The following ZNF599 variants were observed in gnomAD, a reference collection of about 807,000 sequenced individuals.
ZNF599 encodes zinc finger protein 599.
In ZNF599, 10 loss-of-function variants were observed where a neutral mutation model predicts 11.7. The ratio of observed to expected loss-of-function variants is 0.86; its 90% CI spans 0.53 to 1.45. ZNF599 has a LOEUF of 1.45. Ranked by LOEUF, ZNF599 falls within the 40% of genes most tolerant of loss-of-function variation. The pLI, the probability that ZNF599 is intolerant of heterozygous loss-of-function variation, is 0.00. For missense variants in ZNF599, 688 were observed against 713.6 expected (o/e 0.96, Z 0.41); for synonymous variants, 232 against 253.2 (o/e 0.92, Z 0.79).
chr19:34,787,431 T>C, the ZNF599 span, among the ~76,000 whole-genome samples: 1 of 152,246 alleles, frequency 6.6e-6, no homozygotes, highest in Non-Finnish European at 1.5e-5. Context: ...TGAATAACAC[T>C]ATTTGGCTCC....
At chr19:34,791,499 T>G in the ZNF599 span, among the ~76,000 whole-genome samples, 1 of 152,320 alleles carries the variant, frequency 6.6e-6, no homozygotes, top group East Asian at 1.9e-4. Flanking sequence ...GTAAAGTGTT[T>G]CTGTGTTACA....
chr19:34,766,177 CAAG>C (rs1285683320), intron 3 of ZNF599, among the ~76,000 whole-genome samples: 1 of 152,076 alleles, frequency 6.6e-6, no homozygotes, highest in African/African-American at 2.4e-5. Context: ...ACTGAGCAGG[CAAG>C]AAGGACACTA....
At chr19:34,798,320 A>G in the ZNF599 span, among the ~76,000 whole-genome samples, 1 of 152,202 alleles carries the variant, frequency 6.6e-6, no homozygotes, top group African/African-American at 2.4e-5. Flanking sequence ...CTTCTCAGCG[A>G]CAGAGCAAAG....
In ZNF599 at chr19:34,758,732, T is replaced by C. The variant is rs2145446199; in HGVS notation, c.*302A>G. ...ATAGTATTAATAAGAGGAAAGTTGT[T>C]CCTGACATTTTACCTAAATGCATGT... On this transcript the variant is annotated 3_prime_UTR_variant, in exon 4 of 4. Coordinates refer to ENST00000329285, the MANE Select transcript of ZNF599 (RefSeq NM_001007248.3). 3.9e-6 allele frequency: 1 copy of C among 257,680 alleles called. No homozygotes were observed. Among genetic ancestry groups the C allele is most frequent in the Non-Finnish European group, 7.4e-6 (1 of 135,416 alleles). The allele number at this position is 257,680 out of a possible 1,614,324, so 16.0% of individuals were successfully genotyped here.
chr19:34,776,165 GATTT>G (rs2069216275), upstream of ZNF599, among the ~76,000 whole-genome samples: 1 of 152,046 alleles, frequency 6.6e-6, no homozygotes, highest in African/African-American at 2.4e-5. Flanking sequence ...CTACTACTTT[GATTT>G]ATTTCAAAAC....
chr19:34,786,764 A>G, the ZNF599 span, among the ~76,000 whole-genome samples: 1 of 152,162 alleles, frequency 6.6e-6, no homozygotes, highest in Non-Finnish European at 1.5e-5. Flanking sequence ...TGGCCACCCA[A>G]GCTGATGCTC....
chr19:34,771,411 G>A (rs62124170), intron 1 of ZNF599, among the ~76,000 whole-genome samples: 342 of 152,278 alleles, frequency 2.2e-3, no homozygotes, highest in Non-Finnish European at 3.9e-3. Context: ...GAAGAAGGGC[G>A]TTAAATAAGG....
At chr19:34,775,391 A>T (rs923479130), upstream of ZNF599, among the ~76,000 whole-genome samples, 1 of 152,242 alleles carries the variant, frequency 6.6e-6, no homozygotes, top group Non-Finnish European at 1.5e-5. Context: ...AAAATCAGCT[A>T]CAAAATAACC....
the ZNF599 span, among the ~76,000 whole-genome samples, chr19:34,806,530 A>G: frequency 3.9e-5 from 6 of 152,228 alleles, no homozygotes; most frequent in Non-Finnish European, 5.9e-5. Flanking sequence ...CTTGTTTTGC[A>G]GAACAGTAGA....
the ZNF599 span, among the ~76,000 whole-genome samples, chr19:34,795,781 T>C: frequency 5.8e-4 from 88 of 152,326 alleles, 1 homozygote; most frequent in Non-Finnish European, 1.1e-3. Flanking sequence ...TTCCTGCCTG[T>C]GTTTCAAGGG....
chr19:34,763,050 A>T (rs575342877), intron 3 of ZNF599: 2 of 152,214 alleles, frequency 1.3e-5, no homozygotes, highest in African/African-American at 4.8e-5. Context: ...TATGAAAAAA[A>T]CCTGAATCTT....
chr19:34,787,727 G>A, the ZNF599 span, among the ~76,000 whole-genome samples: 9 of 152,174 alleles, frequency 5.9e-5, no homozygotes, highest in African/African-American at 1.9e-4. Flanking sequence ...ATCAGGTACT[G>A]CTCTCATCAA....
chr19:34,789,190 T>C, the ZNF599 span, among the ~76,000 whole-genome samples: 1 of 152,170 alleles, frequency 6.6e-6, no homozygotes, highest in Admixed American at 6.5e-5. Context: ...GCCTGGCTTA[T>C]TTCACTTAAC....
upstream of ZNF599, chr19:34,773,238 G>C (rs2145468706): frequency 4.5e-6 from 1 of 223,526 alleles, no homozygotes. Flanking sequence ...ACGCCGCTAC[G>C]GGAACGCCCC....
chr19:34,771,007 C>T (rs1207776992), intron 1 of ZNF599, among the ~76,000 whole-genome samples: 2 of 152,148 alleles, frequency 1.3e-5, no homozygotes, highest in Non-Finnish European at 2.9e-5. Context: ...TGGCTGGGCA[C>T]GTCGGCTCAT....
At chr19:34,777,318 C>CTATATTA (rs1355650748), upstream of ZNF599, among the ~76,000 whole-genome samples, 2 of 80,864 alleles carry the variant, frequency 2.5e-5, no homozygotes, top group South Asian at 7.2e-4. Context: ...GTATATTTAT[C>CTATATTA]TATATTATAT....
upstream of ZNF599, among the ~76,000 whole-genome samples, chr19:34,773,557 A>C (rs2069200518): frequency 6.6e-6 from 1 of 152,148 alleles, no homozygotes; most frequent in South Asian, 2.1e-4. Context: ...CTTGAGATGG[A>C]GATTCCTAAG....
chr19:34,788,459 T>C, the ZNF599 span: 1 of 152,148 alleles, frequency 6.6e-6, no homozygotes, highest in East Asian at 1.9e-4. Context: ...GCTGAAGAAG[T>C]AACTGCTAAC....
chr19:34,790,341 T>G, the ZNF599 span, among the ~76,000 whole-genome samples: 1 of 152,006 alleles, frequency 6.6e-6, no homozygotes, highest in African/African-American at 2.4e-5. Flanking sequence ...AATGGATGAA[T>G]GAACACAGGA....
Sources: allele counts gnomAD v4.1 joint callset (sites outside exome capture counted in the v4.1 genomes callset), GRCh38; gene constraint gnomAD v4.1.1; transcripts MANE v1.5; gene names NCBI Gene and HGNC (gene_info 2026-07-23, HGNC 2026-07-21).